The following DRAXIN variants were observed in gnomAD, a reference collection of about 807,000 sequenced individuals.
DRAXIN encodes the protein dorsal repulsive axon guidance protein.
A neutral mutation model predicts 33.9 loss-of-function variants in DRAXIN; 27 were observed. That is an observed-to-expected ratio of 0.80 (90% CI 0.59 to 1.10). The LOEUF is 1.10. DRAXIN is among the 50% of genes least tolerant of loss of function. The probability of loss-of-function intolerance (pLI) is 0.00; values close to 1 mark genes in which losing one functional copy is unlikely to be tolerated. For missense variants in DRAXIN, 371 were observed against 460.8 expected (o/e 0.81, Z 1.78); for synonymous variants, 178 against 194.0 (o/e 0.92, Z 0.69).
chr1:11,715,590 C>A (rs1016430687), intron 6 of DRAXIN, among the ~76,000 whole-genome samples: 5 of 151,394 alleles, frequency 3.3e-5, no homozygotes, highest in Admixed American at 2.0e-4. Context: ...CACCAGAATT[C>A]TATCCCAGAG....
rs1194403517 is a variant in DRAXIN, at chr1:11,719,608, A to G, written c.962A>G (p.His321Arg). ...VEGLRCYAKF[H>R]RNRRVTRRKG... ...GGGCTGCGCTGCTATGCCAAATTCC[A>G]CCGGAACCGCAGGGTTACACGGAGG... Residue 321 changes from histidine to arginine, a missense_variant, in exon 7 of 7, where the codon CAC becomes CGC. Transcript: ENST00000294485. 1.2e-6 allele frequency: 2 copies of G among 1,613,480 alleles called. No homozygotes were observed. Among genetic ancestry groups the G allele is most frequent in the Admixed American group, 3.3e-5 (2 of 59,984 alleles).
chr1:11,704,195 C>T lies in DRAXIN; in HGVS notation c.-10-2054C>T, dbSNP rs915351901. Among the ~76,000 whole-genome samples the T allele has an allele frequency of 2.0e-5, 3 of 152,122 alleles. No individual in the cohort carries two copies. Among genetic ancestry groups the T allele is most frequent in the Non-Finnish European group, 4.4e-5 (3 of 68,012 alleles). Reference sequence around the variant, plus strand: ...TGATTCCTTTCATTGGCCAACGTCCCGAGGTTTCCCTGTCCCTAGGACGCT... The same window carrying T: ...TGATTCCTTTCATTGGCCAACGTCCTGAGGTTTCCCTGTCCCTAGGACGCT... On this transcript the variant is annotated intron_variant, in intron 1 of 6. Transcript: ENST00000294485. The surrounding 1 kb of genome is among the most constrained non-coding windows in gnomAD (Gnocchi z 4.6).
Position 11,705,324 on chromosome 1 carries a change from C to T in DRAXIN, c.-10-925C>T, listed in dbSNP as rs1474491515. Among the ~76,000 whole-genome samples, 2 of 152,102 alleles carry T rather than the reference C, an allele frequency of 1.3e-5. No individual in the cohort carries two copies. Among genetic ancestry groups the T allele is most frequent in the Admixed American group, 6.5e-5 (1 of 15,288 alleles). On this transcript the variant is annotated intron_variant, in intron 1 of 6. Coordinates refer to ENST00000294485, the MANE Select transcript of DRAXIN (RefSeq NM_198545.4). This position sits in a 1 kb window ranked among gnomAD's most constrained non-coding sequence, Gnocchi z 4.8. ...GGGGCAGGAGGTCTCCAGAGTCTGACAGACGCCCCCACCATCCCCTGAGCT... is the reference window on the plus strand; with the variant it reads ...GGGGCAGGAGGTCTCCAGAGTCTGATAGACGCCCCCACCATCCCCTGAGCT...
Position 11,706,275 on chromosome 1 carries a change from T to C in DRAXIN, c.17T>C (p.Ile6Thr). Reference sequence around the variant, plus strand: ...GAGGAGCCAATGGCTGGGCCTGCCATCCACACCGCTCCCATGCTGTTCCTC... The same window carrying C: ...GAGGAGCCAATGGCTGGGCCTGCCACCCACACCGCTCCCATGCTGTTCCTC... MAGPA[I>T]HTAPMLFLVL... is the part of the protein sequence containing the mutation. Residue 6 changes from isoleucine to threonine, a missense_variant, in exon 2 of 7, where the codon ATC (isoleucine) becomes ACC (threonine). Physicochemically the swap from Ile to Thr is moderately conservative, Grantham distance 89 (BLOSUM62 -1). Transcript: ENST00000294485. The surrounding 1 kb of genome is among the most constrained non-coding windows in gnomAD (Gnocchi z 5.5). 6.2e-7 allele frequency: 1 copy of C among 1,601,670 alleles called. No individual in the cohort carries two copies.
intron 4 of DRAXIN, 83 bp downstream of exon 4, chr1:11,712,048 C>A: frequency 1.5e-6 from 2 of 1,326,138 alleles, no homozygotes; most frequent in Non-Finnish European, 2.1e-6. Flanking sequence ...CCCCAGTGAG[C>A]CCTGTCTGAT....
At position 11,711,924 on chromosome 1, in the gene DRAXIN, A is replaced by G. The variant is rs1641500459; in HGVS notation, c.716A>G (p.Glu239Gly). Residue 239 changes from glutamate (E) to glycine (G), a missense_variant, in exon 4 of 7, where the codon GAA becomes GGA. Physicochemically the swap from Glu to Gly is moderately conservative, Grantham distance 98. Coordinates refer to ENST00000294485, the MANE Select transcript of DRAXIN (RefSeq NM_198545.4). ...DMALFDWTDY[E>G]DLKPDGWPSA... ...GCCTTGTTCGACTGGACCGATTATG[A>G]AGACTTAAAACCTGATGGTTGGCCC... is the stretch of plus-strand genomic sequence containing the variant. The G allele has an allele frequency of 6.2e-7, 1 of 1,613,830 alleles. No homozygotes were observed. The highest frequency in any genetic ancestry group is 8.5e-7 in the Non-Finnish European group (1 of 1,179,912).
chr1:11,705,869 T>C lies in DRAXIN; in HGVS notation c.-10-380T>C, dbSNP rs1641369230. On this transcript the variant is annotated intron_variant, in intron 1 of 6. Coordinates refer to ENST00000294485, the MANE Select transcript of DRAXIN (RefSeq NM_198545.4). The surrounding 1 kb of genome is among the most constrained non-coding windows in gnomAD (Gnocchi z 4.8). ...GAGCTCTGAGGGACTCGGTTCCCTC[T>C]AGGGGACTTGGTAAGGGGCAGAGGT... Among the ~76,000 whole-genome samples, 1 of 152,202 alleles carries C rather than the reference T, an allele frequency of 6.6e-6. No individual in the cohort carries two copies. The highest frequency in any genetic ancestry group is 2.1e-4 in the South Asian group (1 of 4,834).
chr1:11,715,341 G>A (rs1160510950), intron 6 of DRAXIN, 133 bp downstream of exon 6: 11 of 1,047,890 alleles, frequency 1.0e-5, no homozygotes, highest in Non-Finnish European at 1.4e-5. Flanking sequence ...CCTGCGGCGG[G>A]GGTGTAGGTG....
At position 11,709,432 on chromosome 1, in the gene DRAXIN, C is replaced by G. The variant is rs1243587646; in HGVS notation, c.609C>G (p.Ser203=). Residue 203 remains serine, a synonymous_variant, in exon 3 of 7, where the codon TCC becomes TCG. Transcript: ENST00000294485. Reference sequence around the variant, plus strand: ...AGGCAGCACCTGCCACAGAAGAGTCCCTGATCCTGCCCGTCACCTCCCTGC... The same window carrying G: ...AGGCAGCACCTGCCACAGAAGAGTCGCTGATCCTGCCCGTCACCTCCCTGC... ...TFEAAPATEE[S]LILPVTSLRP... is the part of the protein sequence containing the mutation. 6.2e-7 allele frequency: 1 copy of G among 1,613,924 alleles called. No homozygotes were observed. The highest frequency in any genetic ancestry group is 1.1e-5 in the South Asian group (1 of 91,032).
chr1:11,693,102 C>G (rs1641109734), intron 1 of DRAXIN, among the ~76,000 whole-genome samples: 2 of 152,112 alleles, frequency 1.3e-5, no homozygotes. Context: ...CCTTCACCTC[C>G]TCGTGCCCAT....
At chr1:11,715,607 T>C (rs568463981) in intron 6 of DRAXIN, among the ~76,000 whole-genome samples, 23 of 151,676 alleles carry the variant, frequency 1.5e-4, no homozygotes, top group African/African-American at 5.3e-4. Context: ...AGAGGAGGCA[T>C]TGAAGTGTGA....
Position 11,705,154 on chromosome 1 carries a change from G to A in DRAXIN, c.-10-1095G>A, listed in dbSNP as rs755615144. On this transcript the variant is annotated intron_variant, in intron 1 of 6. Coordinates refer to ENST00000294485, the MANE Select transcript of DRAXIN (RefSeq NM_198545.4). The surrounding 1 kb of genome is among the most constrained non-coding windows in gnomAD (Gnocchi z 4.8). Reference sequence around the variant, plus strand: ...CCACAAATCACAAAGAAACGGTGGCGTAAGCACCCTTGCCAGCCTAGTGGA... The same window carrying A: ...CCACAAATCACAAAGAAACGGTGGCATAAGCACCCTTGCCAGCCTAGTGGA... Among the ~76,000 whole-genome samples the A allele has an allele frequency of 5.9e-5, 9 of 152,176 alleles. No individual in the cohort carries two copies. In the East Asian group the frequency reaches 9.6e-4, roughly 16 times the overall value.
chr1:11,715,782 T>C (rs1035347936), intron 6 of DRAXIN, among the ~76,000 whole-genome samples: 3 of 152,090 alleles, frequency 2.0e-5, no homozygotes, highest in Non-Finnish European at 4.4e-5. Flanking sequence ...GGAGCTATGA[T>C]GATCCGCACT....
Position 11,718,000 on chromosome 1 carries a change from C to CAAAAAAAAAA in DRAXIN, c.938-1576_938-1567dup, listed in dbSNP as rs57704802. 1.5e-3 allele frequency among the ~76,000 whole-genome samples: 118 copies of CAAAAAAAAAA among 80,834 alleles called. 3 individuals carry two copies. Among genetic ancestry groups the CAAAAAAAAAA allele is most frequent in the Middle Eastern group, 9.3e-3 (1 of 108 alleles). 53.0% of individuals were successfully genotyped at this position (80,834 alleles called of 152,430 possible). A position where few individuals can be genotyped will look rare whatever the true frequency, so the allele number is the denominator to read the frequency against. On this transcript the variant is annotated intron_variant, in intron 6 of 6. Coordinates refer to ENST00000294485, the MANE Select transcript of DRAXIN (RefSeq NM_198545.4). Reference sequence around the variant, plus strand: ...CAGGCAACAGAGCAAGACCCTGTCTCAAAAAAAAAAAAAAAAAGGGAGGCC... The same window carrying CAAAAAAAAAA: ...CAGGCAACAGAGCAAGACCCTGTCTCAAAAAAAAAAAAAAAAAAAAAAAAAAAGGGAGGCC...
At chr1:11,710,717 A>G (rs1195548132) in intron 3 of DRAXIN, among the ~76,000 whole-genome samples, 2 of 146,976 alleles carry the variant, frequency 1.4e-5, no homozygotes, top group Admixed American at 6.9e-5. Context: ...AATCGAGACC[A>G]TCCTGGCTAA....
intron 1 of DRAXIN, among the ~76,000 whole-genome samples, chr1:11,697,438 C>T (rs11121799): frequency 0.1 from 15,359 of 152,266 alleles, 2,534 homozygotes; most frequent in African/African-American, 0.35. Flanking sequence ...GCAACTGTAT[C>T]TACCCTGCTA....
chr1:11,710,549 AC>A (rs1570316115), intron 3 of DRAXIN, among the ~76,000 whole-genome samples: 2 of 151,708 alleles, frequency 1.3e-5, no homozygotes, highest in East Asian at 3.9e-4. Context: ...CAAAAACACT[AC>A]CCACTGGTGA....
At chr1:11,710,340 A>T (rs927783017) in intron 3 of DRAXIN, among the ~76,000 whole-genome samples, 5 of 151,518 alleles carry the variant, frequency 3.3e-5, no homozygotes, top group Admixed American at 6.6e-5. Context: ...AAACTTTTTT[A>T]AAAAATTAGA....
At chr1:11,700,354 C>T (rs1259190899) in intron 1 of DRAXIN, among the ~76,000 whole-genome samples, 1 of 151,928 alleles carries the variant, frequency 6.6e-6, no homozygotes, top group Non-Finnish European at 1.5e-5. Flanking sequence ...TTCTAACTGG[C>T]TTTGATTATT....
Sources: allele counts gnomAD v4.1 joint callset (sites outside exome capture counted in the v4.1 genomes callset), GRCh38; gene constraint gnomAD v4.1.1; non-coding constraint Gnocchi (gnomAD v3.1); transcripts MANE v1.5; gene names NCBI Gene and HGNC (gene_info 2026-07-23, HGNC 2026-07-21).